Variants in EXOC4 observed in about 807,000 individuals in gnomAD.
EXOC4 encodes the protein exocyst complex component 4.
In EXOC4, 71 loss-of-function variants were observed where a neutral mutation model predicts 107.2. The observed-to-expected ratio is 0.66, with a 90% CI of 0.55 to 0.81. The LOEUF (loss-of-function observed/expected upper bound fraction) is 0.81, where lower values mean the gene tolerates loss of function less well. Ranked by LOEUF, EXOC4 falls within the 30% of genes least tolerant of loss-of-function variation. The pLI is 0.00. For synonymous variants in EXOC4, 456 were observed against 441.2 expected (o/e 1.03, Z -0.42); for missense variants, 1,108 against 1,189.6 (o/e 0.93, Z 1.01).
chr7:133,313,867 C>T (rs1794931222), intron 4 of EXOC4, among the ~76,000 whole-genome samples: 1 of 151,990 alleles, frequency 6.6e-6, no homozygotes, highest in Non-Finnish European at 1.5e-5. Context: ...TGCATTCAGT[C>T]ACAATATATA....
intron 10 of EXOC4, among the ~76,000 whole-genome samples, chr7:133,790,595 A>G (rs1331143650): frequency 6.6e-6 from 1 of 152,268 alleles, no homozygotes; most frequent in Non-Finnish European, 1.5e-5. Context: ...CATGCATTTC[A>G]TTTGAAATAA....
chr7:133,380,668 A>G (rs1340900460), intron 7 of EXOC4, among the ~76,000 whole-genome samples: 1 of 152,196 alleles, frequency 6.6e-6, no homozygotes, highest in East Asian at 1.9e-4. Context: ...AAAGTAGACA[A>G]GATGAATTTA....
intron 10 of EXOC4, among the ~76,000 whole-genome samples, chr7:133,652,437 T>TG (rs1167583673): frequency 8.1e-6 from 1 of 122,900 alleles, no homozygotes; most frequent in East Asian, 2.8e-4. Context: ...AACACAGCAA[T>TG]ATTTTTTTTT....
At chr7:133,401,115 C>A (rs1049863221) in intron 7 of EXOC4, among the ~76,000 whole-genome samples, 7 of 150,980 alleles carry the variant, frequency 4.6e-5, no homozygotes, top group Admixed American at 1.3e-4. Flanking sequence ...GCCTAAGAAT[C>A]TTAGTTACCA....
At chr7:133,399,751 G>C (rs1253461713) in intron 7 of EXOC4, among the ~76,000 whole-genome samples, 1 of 152,196 alleles carries the variant, frequency 6.6e-6, no homozygotes, top group Non-Finnish European at 1.5e-5. Flanking sequence ...ACTAGGGATA[G>C]AGGGCTTAGA....
intron 4 of EXOC4, among the ~76,000 whole-genome samples, chr7:133,314,127 C>A (rs1056083609): frequency 1.3e-5 from 2 of 152,110 alleles, no homozygotes; most frequent in African/African-American, 4.8e-5. Flanking sequence ...AATCCCTTCT[C>A]AGCTTTATCT....
At chr7:133,657,347 C>T (rs1372184045) in intron 10 of EXOC4, among the ~76,000 whole-genome samples, 2 of 151,960 alleles carry the variant, frequency 1.3e-5, no homozygotes, top group South Asian at 2.1e-4. Context: ...TTTTTTTTAG[C>T]ATGGATGTTA....
chr7:134,021,014 A>G (rs1156266955), intron 17 of EXOC4, among the ~76,000 whole-genome samples: 1 of 151,856 alleles, frequency 6.6e-6, no homozygotes, highest in Non-Finnish European at 1.5e-5. Flanking sequence ...GGGTTTGATT[A>G]GAGGATCAAC....
chr7:133,588,640 C>T (rs907528254), intron 9 of EXOC4, among the ~76,000 whole-genome samples: 8 of 151,986 alleles, frequency 5.3e-5, no homozygotes, highest in Non-Finnish European at 8.8e-5. Flanking sequence ...TGCCTGTAAT[C>T]GCAGCACTTT....
chr7:134,031,173 A>G (rs1256087209), intron 17 of EXOC4, among the ~76,000 whole-genome samples: 1 of 152,180 alleles, frequency 6.6e-6, no homozygotes. Context: ...AGGTGAAGAA[A>G]TGTTCTGAAA....
intron 13 of EXOC4, among the ~76,000 whole-genome samples, chr7:133,923,669 CAGAT>C (rs1371024414): frequency 1.3e-5 from 2 of 152,178 alleles, no homozygotes; most frequent in South Asian, 2.1e-4. Flanking sequence ...TTGAGATAGA[CAGAT>C]AGACCAACAG....
the EXOC4 span, among the ~76,000 whole-genome samples, chr7:134,084,727 A>AAAAAAAAAG: frequency 0.012 from 1,728 of 145,046 alleles, 27 homozygotes; most frequent in East Asian, 0.035. Flanking sequence ...AAAAAAAAAA[A>AAAAAAAAAG]AAATTCACCA....
chr7:133,568,452 A>T (rs1288641356), intron 9 of EXOC4, among the ~76,000 whole-genome samples: 1 of 152,196 alleles, frequency 6.6e-6, no homozygotes, highest in East Asian at 1.9e-4. Flanking sequence ...TAAATGAGGA[A>T]TTTTATCATA....
At chr7:133,439,254 G>A (rs1393371116) in intron 7 of EXOC4, among the ~76,000 whole-genome samples, 1 of 130,778 alleles carries the variant, frequency 7.6e-6, no homozygotes, top group Non-Finnish European at 1.5e-5. Context: ...GGGCGATCTC[G>A]GCTTACTGCA....
At chr7:133,519,523 A>G (rs1231477196) in intron 9 of EXOC4, among the ~76,000 whole-genome samples, 4 of 152,170 alleles carry the variant, frequency 2.6e-5, no homozygotes, top group Admixed American at 6.6e-5. Flanking sequence ...TTTAAACACT[A>G]CAGCCTCAAA....
At chr7:133,563,087 G>A (rs965149264) in intron 9 of EXOC4, among the ~76,000 whole-genome samples, 2 of 152,128 alleles carry the variant, frequency 1.3e-5, no homozygotes, top group African/African-American at 4.8e-5. Context: ...GGGAGGCTGA[G>A]TGTTATATTT....
At chr7:133,881,349 G>T (rs1798963778) in intron 11 of EXOC4, among the ~76,000 whole-genome samples, 1 of 139,016 alleles carries the variant, frequency 7.2e-6, no homozygotes. Flanking sequence ...GCTGTTTCAT[G>T]TTCATAATGC....
chr7:133,465,349 A>T (rs1361353892), intron 7 of EXOC4, among the ~76,000 whole-genome samples: 1 of 152,200 alleles, frequency 6.6e-6, no homozygotes, highest in East Asian at 1.9e-4. Flanking sequence ...TTTAAGAGTG[A>T]AAGTAGAAAT....
intron 13 of EXOC4, among the ~76,000 whole-genome samples, chr7:133,926,422 C>T (rs1021206820): frequency 5.3e-5 from 8 of 152,294 alleles, no homozygotes; most frequent in African/African-American, 1.9e-4. Context: ...ATGTCACAGA[C>T]ATTTATCATA....
Sources: gnomAD v4.1 joint callset for allele counts (sites outside exome capture counted in the v4.1 genomes callset) on GRCh38, gnomAD v4.1.1 for gene constraint, MANE v1.5 for transcripts, NCBI Gene and HGNC (gene_info 2026-07-23, HGNC 2026-07-21) for gene names.